RAB6A: variants seen among roughly 807,000 people sequenced by gnomAD.
The protein encoded by RAB6A is ras-related protein Rab-6A.
In RAB6A, 8 loss-of-function variants were observed where a neutral mutation model predicts 32.3. The observed-to-expected ratio is 0.25, with a 90% confidence interval of 0.15 to 0.45. RAB6A has a LOEUF of 0.45. RAB6A is among the 20% of genes least tolerant of loss of function. The pLI, the probability that RAB6A is intolerant of heterozygous loss-of-function variation, is 1.00. For synonymous variants in RAB6A, 73 were observed against 82.1 expected (o/e 0.89, Z 0.60); for missense variants, 104 against 249.4 (o/e 0.42, Z 3.93).
chr11:73,693,475 G>A (rs978920981), intron 6 of RAB6A, among the ~76,000 whole-genome samples: 1 of 151,362 alleles, frequency 6.6e-6, no homozygotes, highest in East Asian at 1.9e-4. Context: ...TGCAATCCCA[G>A]CACTTTGGGA....
chr11:73,685,081 T>C (rs146198233), intron 6 of RAB6A, among the ~76,000 whole-genome samples: 155 of 152,348 alleles, frequency 1.0e-3, no homozygotes, highest in African/African-American at 3.7e-3. Flanking sequence ...AAAGTGTGGA[T>C]AGCAGTACAG....
intron 1 of RAB6A, among the ~76,000 whole-genome samples, chr11:73,748,179 C>G (rs1310808323): frequency 6.6e-6 from 1 of 152,064 alleles, no homozygotes; most frequent in African/African-American, 2.4e-5. Flanking sequence ...AATTGGAATT[C>G]TTTTAAAGGA....
At chr11:73,760,109 C>G (rs1338666978) in intron 1 of RAB6A, 1 of 1,291,534 alleles carries the variant, frequency 7.7e-7, no homozygotes, top group African/African-American at 1.5e-5. Context: ...CCAGATCCCA[C>G]CCTCCTTGGC....
chr11:73,705,039 A>G (rs1253718125), intron 6 of RAB6A, among the ~76,000 whole-genome samples: 3 of 152,096 alleles, frequency 2.0e-5, no homozygotes, highest in Non-Finnish European at 4.4e-5. Flanking sequence ...TAATAAAAAT[A>G]AAATTGGAAG....
At chr11:73,731,230 AAGAACTACACTGTTTTAAGAGTG>A (rs1946296331) in intron 1 of RAB6A, among the ~76,000 whole-genome samples, 1 of 151,978 alleles carries the variant, frequency 6.6e-6, no homozygotes, top group Non-Finnish European at 1.5e-5. Context: ...TGAGGGCTAC[AAGAACTACACTGTTTTAAGAGTG>A]AGAAAAACTG....
intron 1 of RAB6A, among the ~76,000 whole-genome samples, chr11:73,735,167 T>C (rs982539452): frequency 1.3e-5 from 2 of 152,206 alleles, no homozygotes; most frequent in African/African-American, 4.8e-5. Flanking sequence ...TTACACACTC[T>C]TGCAATTCTG....
At chr11:73,722,331 ATATATATATATATTT>A (rs1399243257) in intron 2 of RAB6A, 333 of 46,210 alleles carry the variant, frequency 7.2e-3, no homozygotes, top group South Asian at 0.017. Flanking sequence ...ATATATATAT[ATATATATATATATTT>A]TTTTTTTTTT....
chr11:73,760,830 G>A lies in RAB6A; in HGVS notation c.-195C>T, dbSNP rs1371528872. The A allele has an allele frequency of 4.0e-6, 3 of 758,240 alleles. No homozygotes were observed. The highest frequency in any genetic ancestry group is 6.4e-6 in the Non-Finnish European group (3 of 472,246). 47.0% of individuals were successfully genotyped at this position (758,240 alleles called of 1,614,324 possible). A position where few individuals can be genotyped will look rare whatever the true frequency, so the allele number is the denominator to read the frequency against. On this transcript the variant is annotated 5_prime_UTR_variant, in exon 1 of 8. Coordinates refer to ENST00000336083, the MANE Select transcript of RAB6A (RefSeq NM_198896.2). ...TGGCAGCCGCCGCCGCCTCCCGGCA[G>A]AGTAGCCTAGCACCGAGCGAGGCCC...
intron 6 of RAB6A, among the ~76,000 whole-genome samples, chr11:73,692,017 T>C (rs1945574638): frequency 6.6e-6 from 1 of 152,042 alleles, no homozygotes; most frequent in Non-Finnish European, 1.5e-5. Flanking sequence ...AATGTTTATA[T>C]TAGTGCCTTT....
At chr11:73,686,251 G>A (rs888948785) in intron 6 of RAB6A, among the ~76,000 whole-genome samples, 9 of 151,826 alleles carry the variant, frequency 5.9e-5, no homozygotes, top group African/African-American at 1.2e-4. Flanking sequence ...TAATCTTTTC[G>A]GCTCTTAAGA....
chr11:73,685,885 C>CAAAAAAAAAAAAAAAAAAA (rs56270679), intron 6 of RAB6A, among the ~76,000 whole-genome samples: 7 of 103,042 alleles, frequency 6.8e-5, no homozygotes, highest in Non-Finnish European at 9.1e-5. Context: ...AACTCCGTCT[C>CAAAAAAAAAAAAAAAAAAA]AAAAAAAAAA....
At position 73,700,614 on chromosome 11, in the gene RAB6A, G is replaced by GTT. The variant is rs1945729215; in HGVS notation, c.495+6805_495+6806insAA. Among the ~76,000 whole-genome samples the GTT allele has an allele frequency of 8.8e-5, 10 of 114,100 alleles. 1 individual carries two copies. Among genetic ancestry groups the GTT allele is most frequent in the East Asian group, 2.9e-4 (1 of 3,416 alleles). The allele number at this position is 114,100 out of a possible 152,430, so 74.9% of individuals were successfully genotyped here. A position where few individuals can be genotyped will look rare whatever the true frequency, so the allele number is the denominator to read the frequency against. ...AAAAAAAAAAAGTGTGTGTGTGGGG[G>GTT]GGGGGGGGGGAGGAGGGTAGTGGAT... is the stretch of plus-strand genomic sequence containing the variant. On this transcript the variant is annotated intron_variant, in intron 6 of 7. Transcript: ENST00000336083.
At chr11:73,728,530 T>C (rs993773551) in intron 2 of RAB6A, among the ~76,000 whole-genome samples, 1 of 150,912 alleles carries the variant, frequency 6.6e-6, no homozygotes, top group Non-Finnish European at 1.5e-5. Context: ...CCCAGCACTT[T>C]GGAAAGCCGA....
At chr11:73,760,117 G>A in intron 1 of RAB6A, 1 of 1,292,258 alleles carries the variant, frequency 7.7e-7, no homozygotes, top group Non-Finnish European at 1.0e-6. Flanking sequence ...CACCCTCCTT[G>A]GCCAAGGTTG....
chr11:73,715,639 T>C (rs780196309), intron 5 of RAB6A, among the ~76,000 whole-genome samples: 117 of 152,356 alleles, frequency 7.7e-4, no homozygotes, highest in Admixed American at 1.7e-3. Context: ...GAATATGCAG[T>C]AAATCGCTTA....
chr11:73,696,396 G>T (rs1321973560), intron 6 of RAB6A, among the ~76,000 whole-genome samples: 1 of 151,978 alleles, frequency 6.6e-6, no homozygotes, highest in African/African-American at 2.4e-5. Context: ...CTTTGGCTCT[G>T]TTGGCCAGGC....
At chr11:73,739,265 A>T (rs866857025) in intron 1 of RAB6A, among the ~76,000 whole-genome samples, 3 of 8,750 alleles carry the variant, frequency 3.4e-4, no homozygotes, top group Non-Finnish European at 2.0e-4. Flanking sequence ...ATAATAATTA[A>T]AAAAAAAAAA....
intron 6 of RAB6A, among the ~76,000 whole-genome samples, chr11:73,680,881 A>C (rs934428596): frequency 1.1e-4 from 17 of 152,152 alleles, no homozygotes; most frequent in African/African-American, 3.9e-4. Flanking sequence ...AGTTATCTTC[A>C]ACAGGAGAAA....
intron 3 of RAB6A, 195 bp from the exon 4 acceptor site, chr11:73,718,913 T>TAAAAAAAAAAAAA: frequency 8.6e-7 from 1 of 1,165,908 alleles, no homozygotes; most frequent in Non-Finnish European, 1.1e-6. Flanking sequence ...AAAAAATAAA[T>TAAAAAAAAAAAAA]AAAAAAAAAA....
Sources: allele counts gnomAD v4.1 joint callset (sites outside exome capture counted in the v4.1 genomes callset), GRCh38; gene constraint gnomAD v4.1.1; transcripts MANE v1.5; gene names NCBI Gene and HGNC (gene_info 2026-07-23, HGNC 2026-07-21).